The following ADARB2 variants were observed in gnomAD, a reference collection of about 807,000 sequenced individuals.
ADARB2 encodes adenosine deaminase RNA specific B2 (inactive).
In ADARB2, 25 loss-of-function variants were observed where a neutral mutation model predicts 62.2. The observed-to-expected ratio is 0.40, with a 90% CI of 0.29 to 0.56. ADARB2 has a LOEUF of 0.56. Ranked by LOEUF, ADARB2 falls within the 20% of genes least tolerant of loss-of-function variation. The pLI is 0.43. For missense variants in ADARB2, 1,071 were observed against 1,077.4 expected, an observed-to-expected ratio of 0.99 and a Z score of 0.08; for synonymous variants, 572 against 500.8, an observed-to-expected ratio of 1.14 and a Z score of -1.90.
intron 1 of ADARB2, among the ~76,000 whole-genome samples, chr10:1,682,894 T>G (rs1362331917): frequency 1.3e-5 from 2 of 151,808 alleles, no homozygotes; most frequent in African/African-American, 4.8e-5. Context: ...GATGAGAGAG[T>G]GAGAGGCCGC....
intron 1 of ADARB2, among the ~76,000 whole-genome samples, chr10:1,722,340 A>G (rs550224337): frequency 6.6e-6 from 1 of 152,234 alleles, no homozygotes; most frequent in Admixed American, 6.5e-5. Context: ...TAGAACATGC[A>G]CATTTACCTG....
intron 1 of ADARB2, among the ~76,000 whole-genome samples, chr10:1,495,366 G>A (rs1370206096): frequency 6.6e-6 from 1 of 152,106 alleles, no homozygotes; most frequent in East Asian, 1.9e-4. Context: ...CTCCTCGGAG[G>A]GTTTCTGCTG....
At chr10:1,256,743 CAAGA>C (rs1334453393) in intron 4 of ADARB2, among the ~76,000 whole-genome samples, 1 of 152,080 alleles carries the variant, frequency 6.6e-6, no homozygotes, top group African/African-American at 2.4e-5. Flanking sequence ...TTCCTACCCC[CAAGA>C]AAGAGGTAGA....
chr10:1,383,676 AT>A (rs2131862332), intron 1 of ADARB2, among the ~76,000 whole-genome samples: 1 of 152,372 alleles, frequency 6.6e-6, no homozygotes, highest in African/African-American at 2.4e-5. Flanking sequence ...GTCACACTGC[AT>A]AGTCACTGGG....
At chr10:1,642,944 C>G (rs1833997362) in intron 1 of ADARB2, among the ~76,000 whole-genome samples, 1 of 152,222 alleles carries the variant, frequency 6.6e-6, no homozygotes, top group Non-Finnish European at 1.5e-5. Flanking sequence ...CCCCGCGGCC[C>G]CCTCCTAATT....
At chr10:1,607,210 A>C (rs568133510) in intron 1 of ADARB2, among the ~76,000 whole-genome samples, 33 of 152,316 alleles carry the variant, frequency 2.2e-4, no homozygotes, top group Non-Finnish European at 4.0e-4. Flanking sequence ...GGTGGGCAGA[A>C]GTTGGGCTTC....
At chr10:1,621,592 T>C (rs117524937) in intron 1 of ADARB2, among the ~76,000 whole-genome samples, 530 of 152,312 alleles carry the variant, frequency 3.5e-3, no homozygotes, top group Non-Finnish European at 5.4e-3. Flanking sequence ...GTTTTTGTAT[T>C]ACTTGTAGAG....
chr10:1,381,609 G>A (rs1319287743), intron 1 of ADARB2, among the ~76,000 whole-genome samples: 1 of 152,208 alleles, frequency 6.6e-6, no homozygotes, highest in Non-Finnish European at 1.5e-5. Context: ...TTCAGTGGAT[G>A]AGTGGATAAG....
At chr10:1,705,025 T>A (rs1357631829) in intron 1 of ADARB2, among the ~76,000 whole-genome samples, 1 of 152,176 alleles carries the variant, frequency 6.6e-6, no homozygotes, top group Non-Finnish European at 1.5e-5. Context: ...CTTTTCAATA[T>A]GTGTGAAAAA....
intron 1 of ADARB2, among the ~76,000 whole-genome samples, chr10:1,661,431 A>T (rs886556471): frequency 2.0e-5 from 3 of 152,204 alleles, no homozygotes. Flanking sequence ...TAGAGGAGAA[A>T]GAGAATTAGA....
At chr10:1,454,585 C>T (rs996972979) in intron 1 of ADARB2, among the ~76,000 whole-genome samples, 20 of 152,120 alleles carry the variant, frequency 1.3e-4, no homozygotes, top group Non-Finnish European at 2.2e-4. Flanking sequence ...CACAAAAGGA[C>T]AAACAATGAA....
intron 1 of ADARB2, among the ~76,000 whole-genome samples, chr10:1,445,091 A>C (rs983334492): frequency 2.0e-5 from 3 of 150,098 alleles, no homozygotes; most frequent in African/African-American, 7.4e-5. Flanking sequence ...CCATCCACCC[A>C]CCCACCCATC....
chr10:1,177,508 A>G lies in ADARB2; in HGVS notation c.*5685T>C, dbSNP rs923386560. ...CCATTCTATCATGCTTTTTATGTAC[A>G]TACCTTCAATTAGAATTACTATGTG... On this transcript the variant is annotated 3_prime_UTR_variant, in exon 10 of 10. Coordinates refer to ENST00000381312, the MANE Select transcript of ADARB2 (RefSeq NM_018702.4). The G allele has an allele frequency of 9.2e-5, 14 of 152,192 alleles. No individual in the cohort carries two copies. Among genetic ancestry groups the G allele is most frequent in the African/African-American group, 2.7e-4 (11 of 41,440 alleles). The allele number at this position is 152,192 out of a possible 1,614,324, so 9.4% of individuals were successfully genotyped here.
chr10:1,630,664 G>A (rs543076512), intron 1 of ADARB2, among the ~76,000 whole-genome samples: 4 of 152,154 alleles, frequency 2.6e-5, no homozygotes, highest in Non-Finnish European at 5.9e-5. Context: ...TTTATTAAAG[G>A]TCTATGTGCA....
At chr10:1,371,026 G>A (rs577574418) in intron 2 of ADARB2, among the ~76,000 whole-genome samples, 2 of 152,326 alleles carry the variant, frequency 1.3e-5, no homozygotes, top group South Asian at 2.1e-4. Flanking sequence ...AGATCCAGAT[G>A]TATCACATTG....
At chr10:1,628,079 T>C (rs1028479402) in intron 1 of ADARB2, among the ~76,000 whole-genome samples, 4 of 152,198 alleles carry the variant, frequency 2.6e-5, no homozygotes, top group Non-Finnish European at 5.9e-5. Context: ...CACGCGTGGG[T>C]AGATCAGAGG....
intron 2 of ADARB2, among the ~76,000 whole-genome samples, chr10:1,375,574 T>C (rs992692785): frequency 1.3e-5 from 2 of 152,180 alleles, no homozygotes; most frequent in African/African-American, 4.8e-5. Context: ...TCCCCAAAGG[T>C]GCAATACACG....
intron 6 of ADARB2, among the ~76,000 whole-genome samples, chr10:1,229,294 G>C (rs1830776252): frequency 6.6e-6 from 1 of 152,184 alleles, no homozygotes; most frequent in East Asian, 1.9e-4. Flanking sequence ...CCCTTGTGTT[G>C]TGTCTAAGAC....
At chr10:1,499,903 T>A (rs1056160733) in intron 1 of ADARB2, among the ~76,000 whole-genome samples, 2 of 152,176 alleles carry the variant, frequency 1.3e-5, no homozygotes, top group Non-Finnish European at 2.9e-5. Flanking sequence ...CATCACTCAT[T>A]CATTACTCAT....
Sources: gnomAD v4.1 joint callset for allele counts (sites outside exome capture counted in the v4.1 genomes callset) on GRCh38, gnomAD v4.1.1 for gene constraint, MANE v1.5 for transcripts, NCBI Gene and HGNC (gene_info 2026-07-23, HGNC 2026-07-21) for gene names.